VPS33A: variants seen among roughly 807,000 people sequenced by gnomAD.
VPS33A encodes the protein VPS33A core subunit of CORVET and HOPS complexes, also known as vacuolar protein sorting-associated protein 33A.
Under a neutral mutation model 71.8 loss-of-function variants are expected in VPS33A, and 32 were observed. That is an observed-to-expected ratio of 0.45 (90% CI 0.34 to 0.60). The LOEUF (loss-of-function observed/expected upper bound fraction) is 0.60. Ranked by LOEUF, VPS33A falls within the 20% of genes least tolerant of loss-of-function variation. VPS33A has a pLI of 0.02. For missense variants in VPS33A, 625 were observed against 748.5 expected (o/e 0.84, Z 1.92); for synonymous variants, 311 against 292.7 (o/e 1.06, Z -0.64).
intron 11 of VPS33A, among the ~76,000 whole-genome samples, chr12:122,234,137 T>C (rs775776618): frequency 2.0e-5 from 3 of 152,206 alleles, no homozygotes; most frequent in Non-Finnish European, 4.4e-5. Flanking sequence ...ATATGCACTC[T>C]TTATGTAAAA....
At chr12:122,256,822 T>C (rs1014025187) in intron 4 of VPS33A, among the ~76,000 whole-genome samples, 1 of 152,116 alleles carries the variant, frequency 6.6e-6, no homozygotes, top group African/African-American at 2.4e-5. Flanking sequence ...TCCAACAGCG[T>C]AGAGAGGAAA....
chr12:122,241,205 T>C (rs1319753286), intron 8 of VPS33A: 1 of 152,102 alleles, frequency 6.6e-6, no homozygotes, highest in African/African-American at 2.4e-5. Context: ...GGCAAACTTA[T>C]GGATAATTTT....
rs1954566548 is a variant in VPS33A, at chr12:122,231,913, CG to C, written c.*332del. ...GGCTACTAAAAATACAAAAATTAGC[CG>C]GGTGTGGTGGTGCATGCCTGTAGTC... is the stretch of plus-strand genomic sequence containing the variant. On this transcript the variant is annotated 3_prime_UTR_variant, in exon 13 of 13. Coordinates refer to ENST00000267199, the MANE Select transcript of VPS33A (RefSeq NM_022916.6). 1 of 383,100 alleles carries C rather than the reference CG, an allele frequency of 2.6e-6. No individual in the cohort carries two copies. Among genetic ancestry groups the C allele is most frequent in the East Asian group, 3.7e-5 (1 of 26,898 alleles). The allele number at this position is 383,100 out of a possible 1,614,324, so 23.7% of individuals were successfully genotyped here.
At chr12:122,242,303 T>G in intron 8 of VPS33A, 79 bp downstream of exon 8, 1 of 1,544,702 alleles carries the variant, frequency 6.5e-7, no homozygotes, top group Non-Finnish European at 8.9e-7. Flanking sequence ...AGAGGCATTG[T>G]GGTGTTGATG....
intron 4 of VPS33A, among the ~76,000 whole-genome samples, chr12:122,260,465 A>C (rs1278333254): frequency 1.3e-5 from 2 of 151,686 alleles, no homozygotes; most frequent in East Asian, 2.0e-4. Context: ...ACACCCGGTT[A>C]ATTTTGTATT....
intron 4 of VPS33A, among the ~76,000 whole-genome samples, chr12:122,253,848 C>T (rs1016743910): frequency 2.6e-5 from 4 of 152,020 alleles, no homozygotes; most frequent in Middle Eastern, 6.8e-3. Context: ...TAGGTGCCCA[C>T]CACCATGCCT....
In VPS33A at chr12:122,232,011, CGT is replaced by C; in HGVS notation, c.*233_*234del. ...GGTGGAGGTTGCAGTGAGGTGAGAC[CGT>C]GCCACTGCACTCTAGTCTGGGTGAC... On this transcript the variant is annotated 3_prime_UTR_variant, in exon 13 of 13. Coordinates refer to ENST00000267199, the MANE Select transcript of VPS33A (RefSeq NM_022916.6). 2.3e-6 allele frequency: 1 copy of C among 444,072 alleles called. No individual in the cohort carries two copies. Among genetic ancestry groups the C allele is most frequent in the East Asian group, 3.4e-5 (1 of 29,086 alleles). 27.5% of individuals were successfully genotyped at this position (444,072 alleles called of 1,614,324 possible). A position where few individuals can be genotyped will look rare whatever the true frequency, so the allele number is the denominator to read the frequency against.
rs1954988836 is a variant in VPS33A, at chr12:122,261,192, C to T, written c.483+69G>A. On this transcript the variant is annotated intron_variant, in intron 4 of 12. Coordinates refer to ENST00000267199, the MANE Select transcript of VPS33A (RefSeq NM_022916.6). The stretch of plus-strand genomic sequence containing the variant: ...GGACTCAGCTTCACAGTAATCAGTA[C>T]TGTGGTATGCTCACACTCATAAACT... 2.2e-6 allele frequency: 3 copies of T among 1,349,556 alleles called. No homozygotes were observed. In the Admixed American group the frequency reaches 6.5e-5, roughly 29 times the overall value. 83.6% of individuals were successfully genotyped at this position (1,349,556 alleles called of 1,614,324 possible).
chr12:122,241,800 C>T (rs1954719172), intron 8 of VPS33A, among the ~76,000 whole-genome samples: 1 of 152,108 alleles, frequency 6.6e-6, no homozygotes, highest in Non-Finnish European at 1.5e-5. Flanking sequence ...GCCATGTTGC[C>T]CAGGCTGGTC....
chr12:122,238,770 T>TACACACACACACACACACACACACAC (rs57522920), intron 9 of VPS33A, 46 bp from the exon 10 acceptor site: 1 of 830,582 alleles, frequency 1.2e-6, no homozygotes, highest in African/African-American at 2.0e-5. Context: ...TACATATACA[T>TACACACACACACACACACACACACAC]ACACACACAC....
At chr12:122,251,132 A>G (rs761971518) in intron 4 of VPS33A, 33 bp from the exon 5 acceptor site, 9 of 1,510,448 alleles carry the variant, frequency 6.0e-6, no homozygotes, top group Middle Eastern at 1.7e-4. Flanking sequence ...TTGCCAGGCC[A>G]TGGGGGCCTC....
chr12:122,253,744 C>CTGGA (rs1195072528), intron 4 of VPS33A, among the ~76,000 whole-genome samples: 3 of 151,998 alleles, frequency 2.0e-5, no homozygotes, highest in African/African-American at 7.2e-5. Context: ...ATCACCCAGG[C>CTGGA]TGGAGTGCAG....
rs997667992 is a variant in VPS33A at position 122,234,525 on chromosome 12, C to T, written c.1440+1261G>A. Among the ~76,000 whole-genome samples the T allele has an allele frequency of 2.0e-5, 3 of 152,270 alleles. No individual in the cohort carries two copies. In the East Asian group the frequency reaches 5.8e-4, roughly 29 times the overall value. ...CAGGCTGGTCTTGAACTCCTGACCTCAAGTGATCCTCCTGCCTTGGCCTCC... is the reference window on the plus strand; with the variant it reads ...CAGGCTGGTCTTGAACTCCTGACCTTAAGTGATCCTCCTGCCTTGGCCTCC... On this transcript the variant is annotated intron_variant, in intron 11 of 12. Transcript: ENST00000267199.
At chr12:122,248,856 G>C (rs1002818770) in intron 6 of VPS33A, 2 of 152,200 alleles carry the variant, frequency 1.3e-5, no homozygotes, top group African/African-American at 4.8e-5. Flanking sequence ...GCTCACAGGG[G>C]ACAAGGACCG....
intron 10 of VPS33A, 86 bp downstream of exon 10, chr12:122,238,501 C>T (rs571934290): frequency 1.9e-5 from 28 of 1,474,538 alleles, no homozygotes; most frequent in Admixed American, 1.6e-4. Flanking sequence ...GGATTACAGG[C>T]GTAAGCCACT....
intron 6 of VPS33A, among the ~76,000 whole-genome samples, chr12:122,247,860 CCTTT>C (rs746310416): frequency 7.9e-5 from 12 of 152,210 alleles, no homozygotes; most frequent in Middle Eastern, 3.4e-3. Context: ...TCTCTTCCTT[CCTTT>C]CTTTCTTTTT....
At chr12:122,259,480 A>T (rs1954964693) in intron 4 of VPS33A, among the ~76,000 whole-genome samples, 1 of 152,230 alleles carries the variant, frequency 6.6e-6, no homozygotes, top group South Asian at 2.1e-4. Flanking sequence ...CAGCCTCCCA[A>T]AGTGCTAGGA....
chr12:122,250,936 G>T, intron 5 of VPS33A, 47 bp downstream of exon 5: 1 of 1,376,984 alleles, frequency 7.3e-7, no homozygotes, highest in Non-Finnish European at 1.0e-6. Flanking sequence ...CTCCCTTTTG[G>T]GGTGTGAAGG....
chr12:122,260,729 T>C (rs1218722577), intron 4 of VPS33A, among the ~76,000 whole-genome samples: 1 of 152,180 alleles, frequency 6.6e-6, no homozygotes, highest in Non-Finnish European at 1.5e-5. Context: ...CTCACGCCTG[T>C]AATCCCAGCA....
Sources: allele counts gnomAD v4.1 joint callset (sites outside exome capture counted in the v4.1 genomes callset), GRCh38; gene constraint gnomAD v4.1.1; transcripts MANE v1.5; gene names NCBI Gene and HGNC (gene_info 2026-07-23, HGNC 2026-07-21).